Variants in LRRC17 observed in about 807,000 individuals in gnomAD.
LRRC17 encodes the protein leucine rich repeat containing 17, also known as leucine-rich repeat-containing protein 17.
In LRRC17, 33 loss-of-function variants were observed where a neutral mutation model predicts 41.5. The ratio of observed to expected loss-of-function variants is 0.80; its 90% CI spans 0.60 to 1.06. The LOEUF (loss-of-function observed/expected upper bound fraction) is 1.06. LRRC17 is among the 50% of genes least tolerant of loss of function. The pLI, the probability that LRRC17 is intolerant of heterozygous loss-of-function variation, is 0.00. For synonymous variants in LRRC17, 192 were observed against 197.0 expected, an observed-to-expected ratio of 0.97 and a Z score of 0.21; for missense variants, 491 against 519.3, an observed-to-expected ratio of 0.95 and a Z score of 0.53.
Position 102,932,620 on chromosome 7 carries a change from G to A in LRRC17, c.-140-1154G>A, listed in dbSNP as rs141759378. On this transcript the variant is annotated intron_variant, in intron 1 of 3. Coordinates refer to ENST00000339431, the MANE Select transcript of LRRC17 (RefSeq NM_001031692.3). ...CGTTTTTTTGAGACAGTTGAGACAG[G>A]ATCTTGCTCTGTCAGCCACGCTAGA... 3.7e-3 allele frequency among the ~76,000 whole-genome samples: 562 copies of A among 152,304 alleles called. 5 individuals are homozygous for A. Among genetic ancestry groups the A allele is most frequent in the African/African-American group, 0.013 (555 of 41,552 alleles).
intron 1 of LRRC17, among the ~76,000 whole-genome samples, chr7:102,914,840 T>G (rs560410443): frequency 6.6e-6 from 1 of 152,298 alleles, no homozygotes; most frequent in South Asian, 2.1e-4. Flanking sequence ...GTGCTAAAGT[T>G]TTGGAAATGC....
intron 1 of LRRC17, among the ~76,000 whole-genome samples, chr7:102,921,620 T>C (rs1415055133): frequency 6.6e-6 from 1 of 151,058 alleles, no homozygotes; most frequent in Non-Finnish European, 1.5e-5. Flanking sequence ...GCGGAGGCTA[T>C]GGTGAGCCGA....
intron 1 of LRRC17, among the ~76,000 whole-genome samples, chr7:102,915,730 TAAAA>T (rs904693301): frequency 1.4e-4 from 15 of 110,850 alleles, no homozygotes; most frequent in Non-Finnish European, 2.4e-4. Flanking sequence ...AATTACCAAA[TAAAA>T]AAACATTTAT....
rs374092263 is a variant in LRRC17, at chr7:102,942,306, C to A, written c.929-1904C>A. 7 of 1,598,386 alleles carry A rather than the reference C, an allele frequency of 4.4e-6. No homozygotes were observed. The East Asian group carries it at 1.6e-4, about 37-fold the overall frequency. On this transcript the variant is annotated intron_variant, in intron 3 of 3. Transcript: ENST00000339431. ...ATATTTCAGGGTCTTTGAGATGAAA[C>A]CCTGCAAGTAGACTTACGTGAATGA...
At chr7:102,913,272 TTTC>T in intron 1 of LRRC17, 127 bp downstream of exon 1, 1 of 1,606,652 alleles carries the variant, frequency 6.2e-7, no homozygotes, top group Non-Finnish European at 8.5e-7. Context: ...CTCTCAAATC[TTTC>T]TTAAGCCACT....
chr7:102,917,832 C>T (rs1210628164), intron 1 of LRRC17, among the ~76,000 whole-genome samples: 2 of 152,152 alleles, frequency 1.3e-5, no homozygotes, highest in African/African-American at 2.4e-5. Context: ...CTGAGAGTGC[C>T]ACCTAGGTTG....
intron 1 of LRRC17, among the ~76,000 whole-genome samples, chr7:102,928,722 T>TTAAAA (rs1818595236): frequency 1.3e-5 from 2 of 152,302 alleles, no homozygotes; most frequent in Admixed American, 1.3e-4. Flanking sequence ...CAGAACACAT[T>TTAAAA]TAACATAGTA....
At chr7:102,926,411 A>G (rs772405569) in intron 1 of LRRC17, 1 of 1,528,204 alleles carries the variant, frequency 6.5e-7, no homozygotes, top group Non-Finnish European at 9.0e-7. Flanking sequence ...TTATCAAATT[A>G]TAGCAGGCTT....
chr7:102,942,323 C>A (rs769623940), intron 3 of LRRC17: 1 of 1,591,864 alleles, frequency 6.3e-7, no homozygotes, highest in African/African-American at 1.4e-5. Context: ...AGTAGACTTA[C>A]GTGAATGATT....
At chr7:102,943,663 A>G (rs980405459) in intron 3 of LRRC17, among the ~76,000 whole-genome samples, 3 of 152,188 alleles carry the variant, frequency 2.0e-5, no homozygotes, top group Admixed American at 1.3e-4. Context: ...CATTACAGGA[A>G]TCTCATCCCT....
Position 102,924,110 on chromosome 7 carries a change from T to C in LRRC17, c.-140-9664T>C, listed in dbSNP as rs185937184. The stretch of plus-strand genomic sequence containing the variant: ...AAAATTAGCCGGGTGTGGTGGCACA[T>C]GCCTCTAATCCCAGCTACTTGGGAG... On this transcript the variant is annotated intron_variant, in intron 1 of 3. Coordinates refer to ENST00000339431, the MANE Select transcript of LRRC17 (RefSeq NM_001031692.3). Among the ~76,000 whole-genome samples, 214 of 151,450 alleles carry C rather than the reference T, an allele frequency of 1.4e-3. 1 individual carries two copies. Among genetic ancestry groups the C allele is most frequent in the Non-Finnish European group, 1.2e-3 (78 of 67,806 alleles).
intron 1 of LRRC17, among the ~76,000 whole-genome samples, chr7:102,923,084 T>A (rs73408241): frequency 0.14 from 20,960 of 152,220 alleles, 1,586 homozygotes; most frequent in East Asian, 0.3. Context: ...AGGTGATATA[T>A]GTCAAAGAGG....
At chr7:102,915,351 A>G (rs973650200) in intron 1 of LRRC17, among the ~76,000 whole-genome samples, 2 of 152,182 alleles carry the variant, frequency 1.3e-5, no homozygotes, top group Admixed American at 6.5e-5. Flanking sequence ...TATTATTGCT[A>G]CTACTATGTG....
intron 1 of LRRC17, among the ~76,000 whole-genome samples, chr7:102,920,653 C>T (rs1364986364): frequency 1.3e-5 from 2 of 152,074 alleles, no homozygotes; most frequent in East Asian, 3.9e-4. Flanking sequence ...GGCCCATACA[C>T]TCAATTTTGA....
chr7:102,929,197 A>G (rs1314729663), intron 1 of LRRC17, among the ~76,000 whole-genome samples: 2 of 152,196 alleles, frequency 1.3e-5, no homozygotes, highest in Non-Finnish European at 2.9e-5. Context: ...TGTTTTGAAA[A>G]GATGTTTTAC....
chr7:102,939,757 A>C (rs1303658395), intron 3 of LRRC17, among the ~76,000 whole-genome samples, 172 bp downstream of exon 3: 1 of 152,234 alleles, frequency 6.6e-6, no homozygotes, highest in Non-Finnish European at 1.5e-5. Flanking sequence ...ACTCAGATAA[A>C]TACTTGCCAA....
intron 1 of LRRC17, among the ~76,000 whole-genome samples, chr7:102,932,797 C>A (rs1307762737): frequency 6.6e-6 from 1 of 151,934 alleles, no homozygotes; most frequent in African/African-American, 2.4e-5. Context: ...TTTGTAGAGA[C>A]GGGGTTTCCC....
intron 1 of LRRC17, among the ~76,000 whole-genome samples, chr7:102,914,545 T>G (rs1172945962): frequency 6.6e-6 from 1 of 152,208 alleles, no homozygotes. Context: ...CACAGGTGAA[T>G]AAAGTTTACC....
chr7:102,927,610 C>T (rs1360162530), intron 1 of LRRC17, among the ~76,000 whole-genome samples: 1 of 152,152 alleles, frequency 6.6e-6, no homozygotes, highest in Non-Finnish European at 1.5e-5. Flanking sequence ...AAAGAGAACA[C>T]AAGATTCTAT....
Sources: allele counts gnomAD v4.1 joint callset (sites outside exome capture counted in the v4.1 genomes callset), GRCh38; gene constraint gnomAD v4.1.1; transcripts MANE v1.5; gene names NCBI Gene and HGNC (gene_info 2026-07-23, HGNC 2026-07-21).